DMRT1: variants seen among roughly 807,000 people sequenced by gnomAD.
The protein encoded by DMRT1 is doublesex and mab-3 related transcription factor 1, also known as doublesex- and mab-3-related transcription factor 1.
A neutral mutation model predicts 32.3 loss-of-function variants in DMRT1; 7 were observed. The ratio of observed to expected loss-of-function variants is 0.22; its 90% CI spans 0.12 to 0.41. DMRT1 has a LOEUF of 0.41. Among genes scored for constraint, DMRT1 ranks in the 10% least tolerant of loss-of-function variants. The probability of loss-of-function intolerance (pLI) is 1.00; values close to 1 mark genes in which losing one functional copy is unlikely to be tolerated. For missense variants in DMRT1, 625 were observed against 500.5 expected, an observed-to-expected ratio of 1.25 and a Z score of -2.37; for synonymous variants, 278 against 206.1, an observed-to-expected ratio of 1.35 and a Z score of -2.99.
chr9:863,834 G>A (rs948952785), intron 2 of DMRT1, among the ~76,000 whole-genome samples: 1 of 152,158 alleles, frequency 6.6e-6, no homozygotes, highest in African/African-American at 2.4e-5. Flanking sequence ...ATGTTTAAAG[G>A]CCATTTGTAT....
intron 4 of DMRT1, among the ~76,000 whole-genome samples, chr9:929,182 C>T (rs936506960): frequency 6.6e-5 from 10 of 152,120 alleles, no homozygotes; most frequent in African/African-American, 9.7e-5. Context: ...ATCTGACAAC[C>T]TTGTACTTCA....
At chr9:890,169 A>G (rs1436414802) in intron 2 of DMRT1, among the ~76,000 whole-genome samples, 2 of 141,482 alleles carry the variant, frequency 1.4e-5, no homozygotes, top group Non-Finnish European at 3.0e-5. Flanking sequence ...GCTCAGGCCG[A>G]CTGAGCTGAG....
intron 2 of DMRT1, among the ~76,000 whole-genome samples, chr9:863,385 G>C (rs1386367903): frequency 1.3e-5 from 2 of 151,556 alleles, no homozygotes; most frequent in East Asian, 1.9e-4. Flanking sequence ...AACTAGAGAT[G>C]CCATGACAGA....
At chr9:882,362 T>C (rs555847162) in intron 2 of DMRT1, among the ~76,000 whole-genome samples, 1 of 152,292 alleles carries the variant, frequency 6.6e-6, no homozygotes, top group South Asian at 2.1e-4. Context: ...TTAACCTTAC[T>C]TGTGCCTCGA....
At chr9:843,661 G>A (rs1838786046) in intron 1 of DMRT1, among the ~76,000 whole-genome samples, 2 of 152,154 alleles carry the variant, frequency 1.3e-5, no homozygotes, top group African/African-American at 4.8e-5. Flanking sequence ...CCAGTTAAAA[G>A]TTGTTTCATC....
intron 2 of DMRT1, among the ~76,000 whole-genome samples, chr9:878,651 G>A (rs1448529011): frequency 6.6e-6 from 1 of 152,142 alleles, no homozygotes; most frequent in Non-Finnish European, 1.5e-5. Flanking sequence ...GTACCCTAAT[G>A]ATGAGGATTT....
intron 4 of DMRT1, among the ~76,000 whole-genome samples, chr9:955,709 AAGC>A (rs1228649666): frequency 2.0e-5 from 3 of 152,250 alleles, no homozygotes; most frequent in African/African-American, 7.2e-5. Context: ...TTTCAAAAAA[AAGC>A]AGCAGCAAAA....
chr9:946,234 T>G (rs1819240658), intron 4 of DMRT1, among the ~76,000 whole-genome samples: 1 of 152,136 alleles, frequency 6.6e-6, no homozygotes, highest in African/African-American at 2.4e-5. Context: ...AAGGTTGTAT[T>G]GAATACTGCC....
chr9:963,844 T>G (rs1024973035), intron 4 of DMRT1, among the ~76,000 whole-genome samples: 1 of 152,240 alleles, frequency 6.6e-6, no homozygotes, highest in African/African-American at 2.4e-5. Flanking sequence ...AAGAATTTGT[T>G]GTTTAAGAAA....
At chr9:961,753 A>C in intron 4 of DMRT1, among the ~76,000 whole-genome samples, 1 of 152,236 alleles carries the variant, frequency 6.6e-6, no homozygotes, top group East Asian at 1.9e-4. Context: ...CTAAATCCTG[A>C]TATGATTCTG....
chr9:894,513 G>C (rs1351634156), intron 3 of DMRT1: 2 of 397,028 alleles, frequency 5.0e-6, no homozygotes, highest in Non-Finnish European at 9.5e-6. Flanking sequence ...TTTGAATGTT[G>C]CATAAATAAC....
chr9:862,879 G>A (rs1401873821), intron 2 of DMRT1, among the ~76,000 whole-genome samples: 1 of 152,104 alleles, frequency 6.6e-6, no homozygotes, highest in Non-Finnish European at 1.5e-5. Context: ...AGATGCCTGT[G>A]CCCTAATCCC....
At chr9:938,624 T>C (rs1266975935) in intron 4 of DMRT1, among the ~76,000 whole-genome samples, 1 of 152,224 alleles carries the variant, frequency 6.6e-6, no homozygotes. Context: ...TTGCTGAATT[T>C]ATTAGCTCTA....
intron 2 of DMRT1, among the ~76,000 whole-genome samples, chr9:874,059 T>A (rs1816390272): frequency 6.6e-6 from 1 of 152,214 alleles, no homozygotes; most frequent in Non-Finnish European, 1.5e-5. Flanking sequence ...GGAAACAAAT[T>A]TAAAATGTAG....
intron 4 of DMRT1, among the ~76,000 whole-genome samples, chr9:935,742 G>A (rs897663970): frequency 6.6e-6 from 1 of 152,180 alleles, no homozygotes; most frequent in Non-Finnish European, 1.5e-5. Context: ...CTCCAGACCC[G>A]TTGAGTAAAT....
At chr9:901,978 T>C (rs946589151) in intron 3 of DMRT1, among the ~76,000 whole-genome samples, 2 of 147,376 alleles carry the variant, frequency 1.4e-5, no homozygotes, top group East Asian at 4.0e-4. Flanking sequence ...AGTGATGCGA[T>C]CTCAGCCCAC....
rs57418212 is a variant in DMRT1, at chr9:864,499, C to CTTTTT, written c.538+17369_538+17373dup. 4.6e-5 allele frequency among the ~76,000 whole-genome samples: 5 copies of CTTTTT among 108,898 alleles called. 1 individual carries two copies. Among genetic ancestry groups the CTTTTT allele is most frequent in the South Asian group, 3.2e-4 (1 of 3,104 alleles). 71.4% of individuals were successfully genotyped at this position (108,898 alleles called of 152,430 possible). ...TGAGCCACCATGCCCAGCCAGTACTCTTTTTTTTTTTTTTTTTGAGACGGA... is the reference window on the plus strand; with the variant it reads ...TGAGCCACCATGCCCAGCCAGTACTCTTTTTTTTTTTTTTTTTTTTTTGAGACGGA... On this transcript the variant is annotated intron_variant, in intron 2 of 4. Coordinates refer to ENST00000382276, the MANE Select transcript of DMRT1 (RefSeq NM_021951.3).
Position 880,324 on chromosome 9 carries a change from C to CGA in DMRT1, c.539-13588_539-13587insGA, listed in dbSNP as rs1477500123. ...GAGGTACAGATTTGATCAAGTTACT[C>CGA]TTTCTTTCTGCTTCATCAAGGGTGT... On this transcript the variant is annotated intron_variant, in intron 2 of 4. Transcript: ENST00000382276. 6.1e-5 allele frequency among the ~76,000 whole-genome samples: 9 copies of CGA among 146,818 alleles called. No individual in the cohort carries two copies. The East Asian group carries it at 1.7e-3, about 28-fold the overall frequency.
At chr9:842,230 G>GGTTTTTTT (rs1554739423) in intron 1 of DMRT1, 38 bp downstream of exon 1, 2 of 965,718 alleles carry the variant, frequency 2.1e-6, no homozygotes, top group African/African-American at 4.9e-5. Context: ...TTCAGCCTTA[G>GGTTTTTTT]TTTTTTTTTT....
Sources: allele counts gnomAD v4.1 joint callset (sites outside exome capture counted in the v4.1 genomes callset), GRCh38; gene constraint gnomAD v4.1.1; transcripts MANE v1.5; gene names NCBI Gene and HGNC (gene_info 2026-07-23, HGNC 2026-07-21).